PLD1: variants seen among roughly 807,000 people sequenced by gnomAD.
The protein encoded by PLD1 is choline phosphatase 1.
In PLD1, 112 loss-of-function variants were observed where a neutral mutation model predicts 137.1. That is an observed-to-expected ratio of 0.82 (90% CI 0.70 to 0.96). PLD1 has a LOEUF of 0.96. Ranked by LOEUF, PLD1 falls within the 40% of genes least tolerant of loss-of-function variation. The probability of loss-of-function intolerance (pLI) is 0.00; values close to 1 mark genes in which losing one functional copy is unlikely to be tolerated. For synonymous variants in PLD1, 431 were observed against 454.7 expected (o/e 0.95, Z 0.66); for missense variants, 1,321 against 1,342.0 (o/e 0.98, Z 0.24).
chr3:171,699,656 A>T (rs1234441695), intron 12 of PLD1, 89 bp downstream of exon 12: 2 of 886,280 alleles, frequency 2.3e-6, no homozygotes, highest in Non-Finnish European at 3.7e-6. Flanking sequence ...GTGAAAAGTT[A>T]TACGTGTGAA....
intron 1 of PLD1, chr3:171,792,473 A>G (rs945882579): frequency 2.4e-6 from 1 of 419,426 alleles, no homozygotes; most frequent in Non-Finnish European, 4.8e-6. Context: ...GGCATTCAGT[A>G]CCACACCAGC....
At chr3:171,620,740 CTCTATATATATA>C (rs1167383405) in intron 23 of PLD1, among the ~76,000 whole-genome samples, 5 of 80,508 alleles carry the variant, frequency 6.2e-5, no homozygotes, top group African/African-American at 2.0e-4. Flanking sequence ...CTCTCTCTCT[CTCTATATATATA>C]TATATATATA....
chr3:171,660,855 G>A (rs889329503), intron 20 of PLD1, among the ~76,000 whole-genome samples: 7 of 151,932 alleles, frequency 4.6e-5, no homozygotes, highest in East Asian at 1.9e-4. Context: ...TGATCCACCC[G>A]CCTTGGCCCC....
chr3:171,715,183 C>T (rs187607689), intron 8 of PLD1, among the ~76,000 whole-genome samples: 41 of 152,276 alleles, frequency 2.7e-4, no homozygotes, highest in African/African-American at 8.4e-4. Context: ...AGGGTAACCC[C>T]GTTTTCCCAG....
intron 1 of PLD1, among the ~76,000 whole-genome samples, chr3:171,773,831 C>T (rs1450013530): frequency 6.6e-6 from 1 of 152,028 alleles, no homozygotes; most frequent in Admixed American, 6.5e-5. Flanking sequence ...TCACTGCAAC[C>T]TCCGCCTCCT....
intron 16 of PLD1, 160 bp from the exon 17 acceptor site, chr3:171,677,854 G>C: frequency 3.3e-6 from 2 of 597,656 alleles, no homozygotes. Context: ...GGCTAACAAG[G>C]TTTTACAGTC....
intron 4 of PLD1, 125 bp downstream of exon 4, chr3:171,735,367 C>G: frequency 1.3e-6 from 1 of 788,274 alleles, no homozygotes; most frequent in Non-Finnish European, 2.2e-6. Flanking sequence ...AACTCATGAC[C>G]TCAACTGATC....
At chr3:171,778,793 T>G (rs769330289) in intron 1 of PLD1, among the ~76,000 whole-genome samples, 1 of 152,246 alleles carries the variant, frequency 6.6e-6, no homozygotes, top group Non-Finnish European at 1.5e-5. Context: ...TTGCATAGTT[T>G]CATTTACGTT....
At chr3:171,620,769 T>A (rs868552319) in intron 23 of PLD1, among the ~76,000 whole-genome samples, 15 of 88,482 alleles carry the variant, frequency 1.7e-4, no homozygotes, top group Admixed American at 6.3e-4. Flanking sequence ...TATATATATA[T>A]TATATATATT....
intron 22 of PLD1, 98 bp downstream of exon 22, chr3:171,644,812 C>A: frequency 1.3e-6 from 1 of 769,178 alleles, no homozygotes; most frequent in South Asian, 1.5e-5. Context: ...TTGTTCCCCA[C>A]TCCACCGAAT....
intron 11 of PLD1, among the ~76,000 whole-genome samples, chr3:171,706,727 TACA>T (rs994867709): frequency 9.2e-5 from 14 of 152,364 alleles, no homozygotes; most frequent in African/African-American, 3.4e-4. Context: ...AATATGCTTG[TACA>T]ACAAGAATTT....
intron 11 of PLD1, among the ~76,000 whole-genome samples, chr3:171,700,645 G>A (rs1314923250): frequency 6.6e-6 from 1 of 152,180 alleles, no homozygotes; most frequent in African/African-American, 2.4e-5. Context: ...CAAACTAAAA[G>A]CATTCTAATA....
rs1294756958 is a variant in PLD1 at position 171,734,871 on chromosome 3, A to G, written c.534T>C (p.Gly178=). ...GAATAGTGAAGAAACTTACTCTTCT[A>G]CCAAGGAATTGTTCTTCTCTTATCA... ...ENMIREEQFL[G]RRKQLEDYLT... is the part of the protein sequence containing the mutation. Residue 178 remains glycine (G), a synonymous_variant, in exon 5 of 27, where the codon GGT becomes GGC. Coordinates refer to ENST00000351298, the MANE Select transcript of PLD1 (RefSeq NM_002662.5). The G allele has an allele frequency of 1.9e-6, 3 of 1,593,388 alleles. No homozygotes were observed. Among genetic ancestry groups the G allele is most frequent in the Admixed American group, 1.7e-5 (1 of 59,930 alleles).
intron 20 of PLD1, 117 bp from the exon 21 acceptor site, chr3:171,659,418 T>A: frequency 1.5e-6 from 1 of 657,506 alleles, no homozygotes; most frequent in Non-Finnish European, 2.6e-6. Context: ...TTCTGATCAC[T>A]GAAATCACAT....
intron 19 of PLD1, among the ~76,000 whole-genome samples, chr3:171,662,573 C>T (rs776556424): frequency 2.4e-4 from 36 of 152,152 alleles, no homozygotes; most frequent in Admixed American, 1.1e-3. Flanking sequence ...ATACCAGAAT[C>T]CCTGTTGTTC....
At chr3:171,773,825 T>G (rs1560296738) in intron 1 of PLD1, among the ~76,000 whole-genome samples, 1 of 151,722 alleles carries the variant, frequency 6.6e-6, no homozygotes, top group Non-Finnish European at 1.5e-5. Flanking sequence ...CTCGGCTCAC[T>G]GCAACCTCCG....
rs1732730576 is a variant in PLD1, at chr3:171,612,320, T to C, written c.2841A>G (p.Gln947=). 1.2e-6 allele frequency: 2 copies of C among 1,614,146 alleles called. No individual in the cohort carries two copies. Among genetic ancestry groups the C allele is most frequent in the Non-Finnish European group, 1.7e-6 (2 of 1,179,996 alleles). Residue 947 remains glutamine (Q), a synonymous_variant, in exon 25 of 27, where the codon CAA becomes CAG. Coordinates refer to ENST00000351298, the MANE Select transcript of PLD1 (RefSeq NM_002662.5). This position sits in a 1 kb window ranked among gnomAD's most constrained non-coding sequence, Gnocchi z 4.1. The part of the protein sequence containing the change: ...VPSVMDGKEY[Q]AGRFARGLRL... ...GAAGTCCTCGGGCAAACCGGCCAGC[T>C]TGGTACTCTTTTCCATCCATTACTG...
chr3:171,674,996 A>AG (rs1713204508), intron 18 of PLD1, among the ~76,000 whole-genome samples: 4 of 149,742 alleles, frequency 2.7e-5, no homozygotes, highest in East Asian at 1.9e-4. Flanking sequence ...AAAAAAAAAA[A>AG]AAAGAAAAAG....
intron 23 of PLD1, among the ~76,000 whole-genome samples, chr3:171,633,127 A>T (rs976489156): frequency 3.3e-5 from 5 of 152,226 alleles, no homozygotes; most frequent in Non-Finnish European, 7.3e-5. Flanking sequence ...CCCATTTATG[A>T]TGTGAATAAA....
Sources: allele counts gnomAD v4.1 joint callset (sites outside exome capture counted in the v4.1 genomes callset), GRCh38; gene constraint gnomAD v4.1.1; non-coding constraint Gnocchi (gnomAD v3.1); transcripts MANE v1.5; gene names NCBI Gene and HGNC (gene_info 2026-07-23, HGNC 2026-07-21).